The following CTIF variants were observed in gnomAD, a reference collection of about 807,000 sequenced individuals.
The protein encoded by CTIF is CBP80/20-dependent translation initiation factor.
CTIF carries 21 observed loss-of-function variants against 66.0 expected under a neutral mutation model. The observed-to-expected ratio is 0.32, with a 90% CI of 0.23 to 0.46. The LOEUF (loss-of-function observed/expected upper bound fraction) is 0.46. Among genes scored for constraint, CTIF ranks in the 20% least tolerant of loss-of-function variants. CTIF has a pLI of 1.00. For missense variants in CTIF, 739 were observed against 812.7 expected, an observed-to-expected ratio of 0.91 and a Z score of 1.10; for synonymous variants, 345 against 326.4, an observed-to-expected ratio of 1.06 and a Z score of -0.62.
rs2050850365 is a variant in CTIF at position 48,732,075 on chromosome 18, AAGTTTCCATTCCTACCTTACAGCCG to A, written c.584+20383_584+20407del. 2.0e-5 allele frequency among the ~76,000 whole-genome samples: 3 copies of A among 152,276 alleles called. No homozygotes were observed. The South Asian group carries it at 6.2e-4, about 32-fold the overall frequency. On this transcript the variant is annotated intron_variant, in intron 7 of 11. Transcript: ENST00000256413. ...ATCTTCCAACACCCCGAAGAGAATG[AAGTTTCCATTCCTACCTTACAGCCG>A]AGGAGACCATGCTGCAGCAGTGCAT...
chr18:48,723,176 C>T (rs530659041), intron 7 of CTIF, among the ~76,000 whole-genome samples: 20 of 152,278 alleles, frequency 1.3e-4, no homozygotes, highest in Non-Finnish European at 2.6e-4. Flanking sequence ...ACTCAGCTTC[C>T]GTCTGCTGGG....
At chr18:48,725,637 T>G (rs2092379922) in intron 7 of CTIF, among the ~76,000 whole-genome samples, 1 of 152,154 alleles carries the variant, frequency 6.6e-6, no homozygotes, top group Non-Finnish European at 1.5e-5. Context: ...TGAACTGGTG[T>G]GTCAGTGGTT....
chr18:48,768,230 G>A (rs1349219272), intron 9 of CTIF, among the ~76,000 whole-genome samples: 1 of 152,138 alleles, frequency 6.6e-6, no homozygotes. Flanking sequence ...AAGGGAGGAG[G>A]GAGACTGATA....
intron 1 of CTIF, among the ~76,000 whole-genome samples, chr18:48,617,227 C>A (rs1308122551): frequency 1.3e-5 from 2 of 152,226 alleles, no homozygotes; most frequent in African/African-American, 4.8e-5. Context: ...CCATGTGTCT[C>A]TTTTCCTTCA....
chr18:48,857,451 T>C, intron 10 of CTIF, 137 bp from the exon 11 acceptor site: 1 of 691,876 alleles, frequency 1.4e-6, no homozygotes, highest in South Asian at 2.3e-5. Flanking sequence ...GCTCTCACTC[T>C]AGCCTGAACC....
At chr18:48,728,739 T>TGAGAGAGAGAGGGGGAGAGAGAGA (rs1555680978) in intron 7 of CTIF, among the ~76,000 whole-genome samples, 1 of 139,126 alleles carries the variant, frequency 7.2e-6, no homozygotes, top group African/African-American at 2.6e-5. Context: ...AGGGGGAGAG[T>TGAGAGAGAGAGGGGGAGAGAGAGA]GAGAGAGAGA....
chr18:48,680,632 C>T (rs187873343), intron 6 of CTIF, among the ~76,000 whole-genome samples: 17 of 152,398 alleles, frequency 1.1e-4, no homozygotes, highest in African/African-American at 3.8e-4. Flanking sequence ...CGTCCCTGTC[C>T]TTCAGCAGTT....
At chr18:48,750,667 G>C (rs1007017476) in intron 7 of CTIF, among the ~76,000 whole-genome samples, 3 of 152,150 alleles carry the variant, frequency 2.0e-5, no homozygotes, top group African/African-American at 7.2e-5. Flanking sequence ...CTGGCTGGCC[G>C]GATCTCCAAC....
At chr18:48,632,145 C>A (rs557192293) in intron 2 of CTIF, among the ~76,000 whole-genome samples, 1 of 152,140 alleles carries the variant, frequency 6.6e-6, no homozygotes, top group Non-Finnish European at 1.5e-5. Flanking sequence ...TACCAGAGGG[C>A]CTTTAGGGCC....
chr18:48,552,586 A>G (rs1170200746), intron 1 of CTIF, among the ~76,000 whole-genome samples: 1 of 152,102 alleles, frequency 6.6e-6, no homozygotes, highest in Non-Finnish European at 1.5e-5. Context: ...GGTGTCCTTT[A>G]TGAGGGCACT....
intron 1 of CTIF, 23 bp downstream of exon 1, chr18:48,539,335 T>A (rs1046963623): frequency 1.9e-4 from 28 of 151,204 alleles, no homozygotes; most frequent in African/African-American, 5.9e-4. Context: ...TCGCCCGTCC[T>A]CCTCTTATAG....
rs147205536 is a variant in CTIF at position 48,554,581 on chromosome 18, G to A, written c.-29+15269G>A. Among the ~76,000 whole-genome samples, 463 of 152,368 alleles carry A rather than the reference G, an allele frequency of 3.0e-3. 4 individuals are homozygous for A. Among genetic ancestry groups the A allele is most frequent in the African/African-American group, 0.01 (428 of 41,592 alleles). ...GGATCCACGATGGAGGAGCATTATC[G>A]TACTCTGGTGGGCTGGGAACATGGC... On this transcript the variant is annotated intron_variant, in intron 1 of 11. Coordinates refer to ENST00000256413, the MANE Select transcript of CTIF (RefSeq NM_014772.3).
At chr18:48,778,461 A>G (rs894014936) in intron 9 of CTIF, among the ~76,000 whole-genome samples, 2 of 152,208 alleles carry the variant, frequency 1.3e-5, no homozygotes, top group Admixed American at 6.5e-5. Context: ...TTTTGGTAGA[A>G]AAGGTCCCTG....
At chr18:48,717,440 A>C (rs564286766) in intron 7 of CTIF, among the ~76,000 whole-genome samples, 340 of 148,336 alleles carry the variant, frequency 2.3e-3, no homozygotes, top group Non-Finnish European at 4.1e-3. Flanking sequence ...TAAATAAATA[A>C]ATAAATAATA....
At chr18:48,635,189 A>C (rs1335906067) in intron 2 of CTIF, among the ~76,000 whole-genome samples, 1 of 152,194 alleles carries the variant, frequency 6.6e-6, no homozygotes, top group Non-Finnish European at 1.5e-5. Flanking sequence ...CATGCTCAGG[A>C]GGGCATGTCC....
At chr18:48,572,921 A>T (rs1362271306) in intron 1 of CTIF, among the ~76,000 whole-genome samples, 1 of 152,104 alleles carries the variant, frequency 6.6e-6, no homozygotes, top group Non-Finnish European at 1.5e-5. Context: ...TGAGCCCAGG[A>T]GGTTGAGGCT....
intron 6 of CTIF, among the ~76,000 whole-genome samples, chr18:48,681,993 C>T (rs1271072747): frequency 6.6e-6 from 1 of 152,028 alleles, no homozygotes; most frequent in African/African-American, 2.4e-5. Flanking sequence ...ACCATGTTGG[C>T]CAGGCTGGTC....
intron 6 of CTIF, among the ~76,000 whole-genome samples, chr18:48,681,501 C>A (rs1460587627): frequency 6.6e-6 from 1 of 152,218 alleles, no homozygotes; most frequent in South Asian, 2.1e-4. Context: ...CACCTACAAC[C>A]CCATTACAGA....
chr18:48,743,065 GA>G (rs2092568183), intron 7 of CTIF, among the ~76,000 whole-genome samples: 1 of 152,212 alleles, frequency 6.6e-6, no homozygotes, highest in Admixed American at 6.5e-5. Context: ...AAGCATTAAA[GA>G]ACACTGATAT....
Sources: gnomAD v4.1 joint callset for allele counts (sites outside exome capture counted in the v4.1 genomes callset) on GRCh38, gnomAD v4.1.1 for gene constraint, MANE v1.5 for transcripts, NCBI Gene and HGNC (gene_info 2026-07-23, HGNC 2026-07-21) for gene names.